Variants in NUBPL observed in about 807,000 individuals in gnomAD.
NUBPL encodes NUBP iron-sulfur cluster assembly factor, mitochondrial.
NUBPL carries 31 observed loss-of-function variants against 45.7 expected under a neutral mutation model. The observed-to-expected ratio is 0.68, with a 90% CI of 0.51 to 0.92. The LOEUF (loss-of-function observed/expected upper bound fraction) is 0.92. Among genes scored for constraint, NUBPL ranks in the 40% least tolerant of loss-of-function variants. NUBPL has a pLI of 0.00. For missense variants in NUBPL, 401 were observed against 398.7 expected, an observed-to-expected ratio of 1.01 and a Z score of -0.05; for synonymous variants, 144 against 140.9, an observed-to-expected ratio of 1.02 and a Z score of -0.15.
intron 4 of NUBPL, among the ~76,000 whole-genome samples, chr14:31,626,321 T>C (rs546878809): frequency 6.6e-6 from 1 of 152,222 alleles, no homozygotes; most frequent in South Asian, 2.1e-4. Context: ...TTTGTATTTT[T>C]AGTAGAGACG....
chr14:31,751,279 A>G (rs554662183), intron 6 of NUBPL, among the ~76,000 whole-genome samples: 3 of 152,342 alleles, frequency 2.0e-5, no homozygotes, highest in African/African-American at 7.2e-5. Flanking sequence ...TCCAGCATTA[A>G]CTTAAAGGTC....
chr14:31,631,307 G>A (rs1157244209), intron 4 of NUBPL, among the ~76,000 whole-genome samples: 1 of 152,076 alleles, frequency 6.6e-6, no homozygotes, highest in East Asian at 1.9e-4. Context: ...CAGGAGCAAA[G>A]CTCCATTTAT....
At chr14:31,707,411 G>A (rs903476708) in intron 6 of NUBPL, among the ~76,000 whole-genome samples, 14 of 152,000 alleles carry the variant, frequency 9.2e-5, no homozygotes, top group Admixed American at 3.9e-4. Context: ...CTTTCTCTTT[G>A]ACTTCTCCTT....
At chr14:31,685,179 C>G (rs1034443740) in intron 6 of NUBPL, among the ~76,000 whole-genome samples, 4 of 152,122 alleles carry the variant, frequency 2.6e-5, no homozygotes, top group Admixed American at 2.6e-4. Flanking sequence ...AACTGTCCAC[C>G]TGATTCCAGT....
intron 4 of NUBPL, among the ~76,000 whole-genome samples, chr14:31,612,669 A>G (rs576430796): frequency 7.0e-5 from 10 of 143,438 alleles, no homozygotes; most frequent in African/African-American, 2.4e-4. Flanking sequence ...CAGAAAAAAA[A>G]AAGAAAAGAA....
chr14:31,850,180 T>C lies in NUBPL; in HGVS notation c.876T>C (p.Phe292=), dbSNP rs967161821. Residue 292 remains phenylalanine (F), a synonymous_variant, in exon 10 of 11, where the codon TTT becomes TTC. Coordinates refer to ENST00000281081, the MANE Select transcript of NUBPL (RefSeq NM_025152.3). The part of the protein sequence containing the change: ...EASDTGQPIV[F]SQPESDEAKA... ...CAGATACAGGCCAGCCAATTGTGTT[T>C]TCACAGCCTGAAAGTGATGAGGTAA... 1 of 1,613,880 alleles carries C rather than the reference T, an allele frequency of 6.2e-7. No homozygotes were observed. Among genetic ancestry groups the C allele is most frequent in the Non-Finnish European group, 8.5e-7 (1 of 1,179,792 alleles).
intron 6 of NUBPL, among the ~76,000 whole-genome samples, chr14:31,709,954 T>C (rs901314870): frequency 4.6e-5 from 7 of 152,210 alleles, no homozygotes; most frequent in African/African-American, 1.4e-4. Context: ...AAGCTTTGCA[T>C]AGTTGTGTAT....
At chr14:31,584,009 TTG>T (rs1458804211) in intron 3 of NUBPL, among the ~76,000 whole-genome samples, 8 of 152,338 alleles carry the variant, frequency 5.3e-5, no homozygotes, top group African/African-American at 1.9e-4. Context: ...CACAAATGTG[TTG>T]TGTTTTTCCA....
At chr14:31,736,835 A>C (rs1412945204) in intron 6 of NUBPL, among the ~76,000 whole-genome samples, 9 of 152,184 alleles carry the variant, frequency 5.9e-5, no homozygotes, top group African/African-American at 2.2e-4. Context: ...TGAGAATTCC[A>C]GTTGTTCTAC....
chr14:31,841,917 C>CTTTTGTTTTTTTTTGTTTTTTTTTT, intron 8 of NUBPL, among the ~76,000 whole-genome samples: 1 of 43,036 alleles, frequency 2.3e-5, no homozygotes, highest in Non-Finnish European at 4.3e-5. Flanking sequence ...CGATTCTGGG[C>CTTTTGTTTTTTTTTGTTTTTTTTTT]TTTTTTTTTT....
chr14:31,854,670 G>A (rs115080223), intron 10 of NUBPL, among the ~76,000 whole-genome samples: 1 of 152,086 alleles, frequency 6.6e-6, no homozygotes, highest in East Asian at 1.9e-4. Flanking sequence ...AGCCTAGAAG[G>A]GTTGAGTAAC....
intron 10 of NUBPL, among the ~76,000 whole-genome samples, chr14:31,851,849 AT>A (rs370289326): frequency 5.9e-5 from 9 of 152,310 alleles, no homozygotes; most frequent in African/African-American, 1.7e-4. Flanking sequence ...TTATCAGTGT[AT>A]TTCAATTAAG....
intron 6 of NUBPL, among the ~76,000 whole-genome samples, chr14:31,767,067 CT>C (rs2038926559): frequency 6.6e-6 from 1 of 152,120 alleles, no homozygotes; most frequent in South Asian, 2.1e-4. Flanking sequence ...AAGTGCCCCC[CT>C]CAAAGCCCCA....
intron 8 of NUBPL, among the ~76,000 whole-genome samples, chr14:31,828,253 A>T (rs1334384161): frequency 6.6e-6 from 1 of 152,218 alleles, no homozygotes; most frequent in Non-Finnish European, 1.5e-5. Flanking sequence ...GCCCTCTAAG[A>T]CAAACTAGAC....
intron 4 of NUBPL, chr14:31,662,172 C>T (rs2139773015): frequency 6.6e-6 from 1 of 152,014 alleles, no homozygotes; most frequent in African/African-American, 2.4e-5. Context: ...ACACATTTAA[C>T]ATGGTGATGA....
intron 7 of NUBPL, among the ~76,000 whole-genome samples, chr14:31,818,255 A>G (rs1595674307): frequency 6.6e-6 from 1 of 152,298 alleles, no homozygotes; most frequent in East Asian, 1.9e-4. Flanking sequence ...ACAACGTGAC[A>G]GAAAATTAAC....
intron 6 of NUBPL, among the ~76,000 whole-genome samples, chr14:31,705,151 C>T (rs372888956): frequency 7.3e-5 from 11 of 151,378 alleles, no homozygotes; most frequent in Non-Finnish European, 1.0e-4. Flanking sequence ...GTGGCGCGTC[C>T]GGAGTTGTTT....
chr14:31,698,257 T>C (rs1166589901), intron 6 of NUBPL, among the ~76,000 whole-genome samples: 1 of 152,304 alleles, frequency 6.6e-6, no homozygotes, highest in Non-Finnish European at 1.5e-5. Context: ...TGACGAGATA[T>C]AGTCAATGTT....
chr14:31,771,825 AC>A, intron 6 of NUBPL: 1 of 983,630 alleles, frequency 1.0e-6, no homozygotes, highest in Non-Finnish European at 1.2e-6. Context: ...GCCCATTTCC[AC>A]CCGAGGGACC....
Sources: allele counts gnomAD v4.1 joint callset (sites outside exome capture counted in the v4.1 genomes callset), GRCh38; gene constraint gnomAD v4.1.1; transcripts MANE v1.5; gene names NCBI Gene and HGNC (gene_info 2026-07-23, HGNC 2026-07-21).